The following MAP3K21 variants were observed in gnomAD, a reference collection of about 807,000 sequenced individuals.
MAP3K21 encodes the protein mitogen-activated protein kinase kinase kinase MLK4.
Under a neutral mutation model 86.1 loss-of-function variants are expected in MAP3K21, and 63 were observed. The ratio of observed to expected loss-of-function variants is 0.73; its 90% CI spans 0.60 to 0.90. The LOEUF (loss-of-function observed/expected upper bound fraction) is 0.90. Among genes scored for constraint, MAP3K21 ranks in the 40% least tolerant of loss-of-function variants. The pLI, the probability that MAP3K21 is intolerant of heterozygous loss-of-function variation, is 0.00. For synonymous variants in MAP3K21, 558 were observed against 564.8 expected, an observed-to-expected ratio of 0.99 and a Z score of 0.17; for missense variants, 1,220 against 1,367.7, an observed-to-expected ratio of 0.89 and a Z score of 1.70.
In MAP3K21 at chr1:233,379,108, C is replaced by T; in HGVS notation, c.2102C>T (p.Ser701Phe). 2.5e-6 allele frequency: 4 copies of T among 1,614,186 alleles called. No individual in the cohort carries two copies. Among genetic ancestry groups the T allele is most frequent in the Non-Finnish European group, 3.4e-6 (4 of 1,180,030 alleles). Residue 701 changes from serine (S) to phenylalanine (F), a missense_variant, in exon 9 of 10, where the codon TCC becomes TTC. Ser to Phe is a radical substitution (Grantham distance 155). Coordinates refer to ENST00000366624, the MANE Select transcript of MAP3K21 (RefSeq NM_032435.3). ...GCCTCTGCGAATGCTGCCACAGTCT[C>T]CATTGAGATGACTCCTACGAATAGT... ...EAASANAATV[S>F]IEMTPTNSLS... is the part of the protein sequence containing the mutation.
At chr1:233,332,471 T>C (rs1276033495) in intron 1 of MAP3K21, among the ~76,000 whole-genome samples, 1 of 152,096 alleles carries the variant, frequency 6.6e-6, no homozygotes, top group Non-Finnish European at 1.5e-5. Context: ...AGGAGAGGCA[T>C]GCGTGGGGCA....
chr1:233,350,386 G>A (rs140485946), intron 2 of MAP3K21, among the ~76,000 whole-genome samples: 13 of 152,082 alleles, frequency 8.5e-5, no homozygotes, highest in African/African-American at 2.9e-4. Flanking sequence ...GCATATCTCC[G>A]GAACCCATTC....
At chr1:233,372,279 C>T (rs1490709150) in intron 6 of MAP3K21, 119 bp downstream of exon 6, 6 of 1,122,748 alleles carry the variant, frequency 5.3e-6, no homozygotes, top group African/African-American at 1.6e-5. Context: ...TAGGACATTT[C>T]GTAGGTGCCA....
chr1:233,372,943 C>A (rs2102764892), intron 6 of MAP3K21: 1 of 151,986 alleles, frequency 6.6e-6, no homozygotes, highest in African/African-American at 2.4e-5. Flanking sequence ...GTTTACTCAT[C>A]CTTATTTGGA....
At chr1:233,329,314 A>G (rs1662767090) in intron 1 of MAP3K21, among the ~76,000 whole-genome samples, 1 of 152,158 alleles carries the variant, frequency 6.6e-6, no homozygotes, top group South Asian at 2.1e-4. Flanking sequence ...TATTCAAAAT[A>G]TGACTTCATG....
chr1:233,374,332 C>T (rs915345701), intron 6 of MAP3K21, among the ~76,000 whole-genome samples: 7 of 152,000 alleles, frequency 4.6e-5, no homozygotes, highest in Non-Finnish European at 7.4e-5. Flanking sequence ...CCCGCCACCA[C>T]GCCCGGCTAA....
Position 233,328,233 on chromosome 1 carries a change from T to C in MAP3K21, c.205T>C (p.Ser69Pro), listed in dbSNP as rs1662733049. 6.7e-7 allele frequency: 1 copy of C among 1,490,496 alleles called. No homozygotes were observed. Among genetic ancestry groups the C allele is most frequent in the Non-Finnish European group, 8.9e-7 (1 of 1,128,544 alleles). 92.3% of individuals were successfully genotyped at this position (1,490,496 alleles called of 1,614,324 possible). The change falls in exon 1 of 10, where the codon TCG (serine) becomes CCG (proline). Residue 69 changes from serine to proline, a missense_variant. Around this residue, in one of 5 missense-constraint regions of MAP3K21, gnomAD observed 369 missense variants for 385.3 expected, o/e 0.96. Transcript: ENST00000366624. This position sits in a 1 kb window ranked among gnomAD's most constrained non-coding sequence, Gnocchi z 8.7. Reference protein sequence around the residue: ...LRRGQLVEVLSQDAAVSGDEG... With the variant: ...LRRGQLVEVLPQDAAVSGDEG... ...GCGCGGCCAGCTGGTGGAGGTGCTG[T>C]CGCAGGACGCCGCCGTGTCGGGCGA... is the stretch of plus-strand genomic sequence containing the variant.
intron 1 of MAP3K21, among the ~76,000 whole-genome samples, chr1:233,338,703 C>A (rs1662961466): frequency 6.6e-6 from 1 of 152,138 alleles, no homozygotes; most frequent in Non-Finnish European, 1.5e-5. Flanking sequence ...GGCAGAACAG[C>A]AGCACATGAG....
rs1418228656 is a variant in MAP3K21 at position 233,328,665 on chromosome 1, G to A, written c.637G>A (p.Ala213Thr). ...ARGGALNRAL[A>T]AANAAPDPRA... ...CGGCGGAGCGCTCAACCGAGCGCTG[G>A]CCGCTGCCAACGCCGCCCCGGACCC... Residue 213 changes from alanine (A) to threonine (T), a missense_variant, in exon 1 of 10, where the codon GCC (alanine) becomes ACC (threonine). Coordinates refer to ENST00000366624, the MANE Select transcript of MAP3K21 (RefSeq NM_032435.3). This position sits in a 1 kb window ranked among gnomAD's most constrained non-coding sequence, Gnocchi z 8.7. 7.5e-7 allele frequency: 1 copy of A among 1,340,918 alleles called. No individual in the cohort carries two copies. The highest frequency in any genetic ancestry group is 3.1e-5 in the East Asian group (1 of 32,070). 83.1% of individuals were successfully genotyped at this position (1,340,918 alleles called of 1,614,324 possible). A position where few individuals can be genotyped will look rare whatever the true frequency, so the allele number is the denominator to read the frequency against.
At chr1:233,376,548 A>G (rs763312831) in intron 8 of MAP3K21, 21 bp downstream of exon 8, 2 of 1,567,648 alleles carry the variant, frequency 1.3e-6, no homozygotes, top group African/African-American at 1.4e-5. Context: ...TTCAGGAGGT[A>G]GGATTTGCTT....
intron 7 of MAP3K21, 98 bp downstream of exon 7, chr1:233,376,164 T>A: frequency 9.8e-7 from 1 of 1,022,856 alleles, no homozygotes; most frequent in Non-Finnish European, 1.5e-6. Flanking sequence ...GCAAGTAAAT[T>A]AATAGAGAGA....
chr1:233,360,289 A>C (rs1400897806), intron 4 of MAP3K21, among the ~76,000 whole-genome samples: 3 of 152,232 alleles, frequency 2.0e-5, no homozygotes, highest in Non-Finnish European at 4.4e-5. Flanking sequence ...TAAAAAATGG[A>C]TTACAGATTT....
intron 1 of MAP3K21, among the ~76,000 whole-genome samples, chr1:233,340,824 A>G (rs920033308): frequency 2.0e-5 from 3 of 152,150 alleles, no homozygotes; most frequent in Non-Finnish European, 2.9e-5. Flanking sequence ...TTTCTTGCTT[A>G]TGACTTTTTT....
At chr1:233,334,919 A>G (rs1467979529) in intron 1 of MAP3K21, among the ~76,000 whole-genome samples, 1 of 151,540 alleles carries the variant, frequency 6.6e-6, no homozygotes, top group Admixed American at 6.6e-5. Context: ...CAATTTGTTT[A>G]CTGAATTAAT....
At position 233,328,169 on chromosome 1, in the gene MAP3K21, T is replaced by A. The variant is rs764607149; in HGVS notation, c.141T>A (p.Tyr47Ter). 4 of 1,469,902 alleles carry A rather than the reference T, an allele frequency of 2.7e-6. No homozygotes were observed. Among genetic ancestry groups the A allele is most frequent in the Non-Finnish European group, 3.6e-6 (4 of 1,117,746 alleles). 91.1% of individuals were successfully genotyped at this position (1,469,902 alleles called of 1,614,324 possible). A position where few individuals can be genotyped will look rare whatever the true frequency, so the allele number is the denominator to read the frequency against. Residue 47 changes from tyrosine to a stop codon, truncating the protein, a stop_gained, in exon 1 of 10, where the codon TAT becomes TAA. Coordinates refer to ENST00000366624, the MANE Select transcript of MAP3K21 (RefSeq NM_032435.3). LOFTEE classifies it high-confidence loss of function. The surrounding 1 kb of genome is among the most constrained non-coding windows in gnomAD (Gnocchi z 8.7). ...SAGAGLWAAL[Y>*]DYEARGEDEL... ...GCGCGGGGCTGTGGGCCGCGCTCTA[T>A]GACTACGAGGCTCGCGGCGAGGACG...
intron 5 of MAP3K21, among the ~76,000 whole-genome samples, chr1:233,368,107 C>A (rs1281752902): frequency 6.6e-6 from 1 of 152,126 alleles, no homozygotes; most frequent in Non-Finnish European, 1.5e-5. Flanking sequence ...GATCCTGTGG[C>A]TTGGTTCTTG....
intron 1 of MAP3K21, among the ~76,000 whole-genome samples, chr1:233,342,676 T>C (rs1244966557): frequency 1.3e-5 from 2 of 152,206 alleles, no homozygotes; most frequent in Non-Finnish European, 2.9e-5. Flanking sequence ...TTTTGTGGAA[T>C]GCTTAGGGGG....
chr1:233,376,579 T>C (rs1371941517), intron 8 of MAP3K21, 52 bp downstream of exon 8: 21 of 1,310,968 alleles, frequency 1.6e-5, no homozygotes, highest in Non-Finnish European at 2.3e-5. Flanking sequence ...TGGCATCTGA[T>C]TGTGCTGAAG....
intron 7 of MAP3K21, 78 bp downstream of exon 7, chr1:233,376,144 C>A: frequency 7.8e-7 from 1 of 1,274,910 alleles, no homozygotes; most frequent in Non-Finnish European, 1.1e-6. Context: ...ATCAGCCAGA[C>A]TTTCAAAAAG....
Sources: allele counts gnomAD v4.1 joint callset (sites outside exome capture counted in the v4.1 genomes callset), GRCh38; gene constraint gnomAD v4.1.1; regional missense constraint gnomAD v4.1.1; non-coding constraint Gnocchi (gnomAD v3.1); transcripts MANE v1.5; gene names NCBI Gene and HGNC (gene_info 2026-07-23, HGNC 2026-07-21).